The following PIMREG variants were observed in gnomAD, a reference collection of about 807,000 sequenced individuals.
PIMREG encodes the protein PICALM interacting mitotic regulator, also known as protein PIMREG.
PIMREG carries 19 observed loss-of-function variants against 24.3 expected under a neutral mutation model. That is an observed-to-expected ratio of 0.78 (90% CI 0.54 to 1.15). The LOEUF (loss-of-function observed/expected upper bound fraction) is 1.15, where lower values mean the gene tolerates loss of function less well. PIMREG is among the 50% of genes most tolerant of loss of function. The pLI, the probability that PIMREG is intolerant of heterozygous loss-of-function variation, is 0.00. For missense variants in PIMREG, 283 were observed against 306.8 expected (o/e 0.92, Z 0.58); for synonymous variants, 112 against 124.1 (o/e 0.90, Z 0.65).
rs1307586128 is a variant in PIMREG at position 6,451,298 on chromosome 17, T to C, written c.*951T>C. On this transcript the variant is annotated 3_prime_UTR_variant, in exon 6 of 6. Transcript: ENST00000572447. ...GAAGGTTTTTATTTAAGTGACAACA[T>C]TTGAGAGCTAAAAACCAGCTCACAT... 6.6e-6 allele frequency: 1 copy of C among 152,224 alleles called. No individual in the cohort carries two copies. The highest frequency in any genetic ancestry group is 2.1e-4 in the South Asian group (1 of 4,828). The allele number at this position is 152,224 out of a possible 1,614,324, so 9.4% of individuals were successfully genotyped here.
At position 6,450,574 on chromosome 17, in the gene PIMREG, C is replaced by T. The variant is rs1913792039; in HGVS notation, c.*227C>T. 3 of 567,368 alleles carry T rather than the reference C, an allele frequency of 5.3e-6. No individual in the cohort carries two copies. Among genetic ancestry groups the T allele is most frequent in the South Asian group, 5.1e-5 (2 of 39,284 alleles). 35.1% of individuals were successfully genotyped at this position (567,368 alleles called of 1,614,324 possible). A position where few individuals can be genotyped will look rare whatever the true frequency, so the allele number is the denominator to read the frequency against. ...CTGAGAGTGTCTTGGGGAGACCTTG[C>T]AGAGGGGGAGAATTGTTCCTTCTGC... On this transcript the variant is annotated 3_prime_UTR_variant, in exon 6 of 6. Coordinates refer to ENST00000572447, the MANE Select transcript of PIMREG (RefSeq NM_019013.3).
intron 3 of PIMREG, 37 bp downstream of exon 3, chr17:6,447,795 C>G: frequency 1.9e-6 from 3 of 1,548,506 alleles, no homozygotes; most frequent in Non-Finnish European, 2.6e-6. Context: ...GGCTGGTGGC[C>G]TTTTAACCTG....
chr17:6,451,076 C>G lies in PIMREG; in HGVS notation c.*729C>G, dbSNP rs1006756050. The G allele has an allele frequency of 6.6e-6, 1 of 152,232 alleles. No individual in the cohort carries two copies. The highest frequency in any genetic ancestry group is 1.5e-5 in the Non-Finnish European group (1 of 68,058). 9.4% of individuals were successfully genotyped at this position (152,232 alleles called of 1,614,324 possible). ...ACTATTTGCATTTGACATCTGTTCC[C>G]TTTCACCGGCAACCTCCAACCTCCC... On this transcript the variant is annotated 3_prime_UTR_variant, in exon 6 of 6. Coordinates refer to ENST00000572447, the MANE Select transcript of PIMREG (RefSeq NM_019013.3).
In PIMREG at chr17:6,444,491, GAGTGCGGGCTGGGCACA is replaced by G. The variant is rs1302569790; in HGVS notation, c.-36+7_-36+23del. ...GTGCTCGGCCTTAGTGGTGTCGGGT[GAGTGCGGGCTGGGCACA>G]AGTTTCGCCCTTGTTGCCCAGGCTG... On this transcript the variant is annotated splice_donor_5th_base_variant and intron_variant, in intron 1 of 5. Coordinates refer to ENST00000572447, the MANE Select transcript of PIMREG (RefSeq NM_019013.3). This position sits in a 1 kb window ranked among gnomAD's most constrained non-coding sequence, Gnocchi z 4.3. 6.5e-6 allele frequency: 1 copy of G among 153,472 alleles called. No homozygotes were observed. Among genetic ancestry groups the G allele is most frequent in the Non-Finnish European group, 1.5e-5 (1 of 68,838 alleles). The allele number at this position is 153,472 out of a possible 1,614,324, so 9.5% of individuals were successfully genotyped here.
intron 4 of PIMREG, 35 bp from the exon 5 acceptor site, chr17:6,449,993 C>G: frequency 6.2e-7 from 1 of 1,610,584 alleles, no homozygotes; most frequent in Non-Finnish European, 8.5e-7. Context: ...GAGCCCACCA[C>G]ACCCAGTGGC....
intron 3 of PIMREG, among the ~76,000 whole-genome samples, chr17:6,448,579 A>G (rs956203879): frequency 6.6e-6 from 1 of 152,216 alleles, no homozygotes; most frequent in Non-Finnish European, 1.5e-5. Flanking sequence ...GTCATCCTGT[A>G]AGAAATAGAG....
intron 3 of PIMREG, among the ~76,000 whole-genome samples, chr17:6,448,407 T>C (rs1448339491): frequency 2.6e-5 from 4 of 151,880 alleles, no homozygotes; most frequent in African/African-American, 7.3e-5. Context: ...TAAGGCTGCA[T>C]AGTAGCTTAG....
rs1913528057 is a variant in PIMREG at position 6,445,283 on chromosome 17, C to A, written c.173C>A (p.Ala58Asp). ...RQFQRRLPLR[A>D]VNLNLRAGPS... is the part of the protein sequence containing the mutation. ...TTCCAAAGGAGGCTGCCCCTGAGAG[C>A]CGTCAACCTCAACCTCCGCGCAGGG... Residue 58 changes from alanine to aspartate, a missense_variant, in exon 2 of 6, where the codon GCC becomes GAC. Ala to Asp is a moderately radical substitution (Grantham distance 126). Transcript: ENST00000572447. 6.2e-7 allele frequency: 1 copy of A among 1,613,924 alleles called. No homozygotes were observed. Among genetic ancestry groups the A allele is most frequent in the Non-Finnish European group, 8.5e-7 (1 of 1,179,998 alleles).
intron 4 of PIMREG, 120 bp from the exon 5 acceptor site, chr17:6,449,908 A>G (rs1913751070): frequency 5.6e-6 from 8 of 1,423,262 alleles, no homozygotes; most frequent in African/African-American, 4.2e-5. Flanking sequence ...TGCCAGCTCT[A>G]TGTGTTGAGG....
Position 6,445,121 on chromosome 17 carries a change from G to A in PIMREG, c.11G>A (p.Arg4Gln), listed in dbSNP as rs566576406. 1.3e-6 allele frequency: 2 copies of A among 1,594,930 alleles called. No homozygotes were observed. Among genetic ancestry groups the A allele is most frequent in the South Asian group, 1.1e-5 (1 of 89,856 alleles). Reference protein sequence around the residue: MASRWQNMGTSVRR... With the variant: MASQWQNMGTSVRR... Reference sequence around the variant, plus strand: ...CTCTTGGCCAGGCAGATGGCTTCTCGGTGGCAGAACATGGGGACCTCCGTG... The same window carrying A: ...CTCTTGGCCAGGCAGATGGCTTCTCAGTGGCAGAACATGGGGACCTCCGTG... Residue 4 changes from arginine (R) to glutamine (Q), a missense_variant, in exon 2 of 6, where the codon CGG (arginine) becomes CAG (glutamine). Coordinates refer to ENST00000572447, the MANE Select transcript of PIMREG (RefSeq NM_019013.3).
At chr17:6,449,941 C>T (rs866016994) in intron 4 of PIMREG, 87 bp from the exon 5 acceptor site, 171 of 1,495,370 alleles carry the variant, frequency 1.1e-4, no homozygotes, top group Middle Eastern at 6.8e-4. Context: ...ACCACATTTC[C>T]GGGTCTGATC....
At chr17:6,445,651 A>G (rs1913543753) in intron 2 of PIMREG, among the ~76,000 whole-genome samples, 1 of 152,250 alleles carries the variant, frequency 6.6e-6, no homozygotes, top group Non-Finnish European at 1.5e-5. Flanking sequence ...TAAGAGCTGT[A>G]CGTGATAGGA....
At chr17:6,449,279 C>T in intron 3 of PIMREG, 33 bp from the exon 4 acceptor site, 1 of 1,579,862 alleles carries the variant, frequency 6.3e-7, no homozygotes, top group Non-Finnish European at 8.6e-7. Context: ...GAGTTTCCAA[C>T]TAGTCACTGG....
At chr17:6,450,292 A>T in intron 5 of PIMREG, 70 bp from the exon 6 acceptor site, 1 of 1,373,160 alleles carries the variant, frequency 7.3e-7, no homozygotes, top group Non-Finnish European at 9.9e-7. Flanking sequence ...CCCACCCCGC[A>T]GTGAGCAGGG....
In PIMREG at chr17:6,450,446, A is replaced by G. The variant is rs904891544; in HGVS notation, c.*99A>G. ...GAGCTTCCTGGAAAAAACCCCCGGGAGTCGTCAGTACCCCTGGGCCACTGC... is the reference window on the plus strand; with the variant it reads ...GAGCTTCCTGGAAAAAACCCCCGGGGGTCGTCAGTACCCCTGGGCCACTGC... On this transcript the variant is annotated 3_prime_UTR_variant, in exon 6 of 6. Coordinates refer to ENST00000572447, the MANE Select transcript of PIMREG (RefSeq NM_019013.3). 17 of 1,553,876 alleles carry G rather than the reference A, an allele frequency of 1.1e-5. No individual in the cohort carries two copies. The highest frequency in any genetic ancestry group is 1.5e-5 in the Non-Finnish European group (17 of 1,155,214).
At position 6,447,474 on chromosome 17, in the gene PIMREG, G is replaced by A. The variant is rs760272075; in HGVS notation, c.306G>A (p.Glu102=). The change falls in exon 3 of 6, where the codon GAG becomes GAA. Residue 102 remains glutamate, a synonymous_variant. Coordinates refer to ENST00000572447, the MANE Select transcript of PIMREG (RefSeq NM_019013.3). ...TTTGCCTGTTCCAGAGAATCCAGGAGTCCTGCCAAAGTGGCACCAAGTGGC... is the reference window on the plus strand; with the variant it reads ...TTTGCCTGTTCCAGAGAATCCAGGAATCCTGCCAAAGTGGCACCAAGTGGC... The part of the protein sequence containing the change: ...ALGAVSQRIQ[E]SCQSGTKWLV... 6.2e-7 allele frequency: 1 copy of A among 1,613,856 alleles called. No homozygotes were observed. Among genetic ancestry groups the A allele is most frequent in the Non-Finnish European group, 8.5e-7 (1 of 1,179,772 alleles).
At chr17:6,449,199 C>T in intron 3 of PIMREG, 113 bp from the exon 4 acceptor site, 2 of 807,332 alleles carry the variant, frequency 2.5e-6, no homozygotes, top group Non-Finnish European at 3.9e-6. Flanking sequence ...TGGAGTGAAG[C>T]CCAGCCCGCC....
chr17:6,449,248 G>C, intron 3 of PIMREG, 64 bp from the exon 4 acceptor site: 1 of 1,435,918 alleles, frequency 7.0e-7, no homozygotes, highest in South Asian at 1.3e-5. Flanking sequence ...CCGGTACCGG[G>C]TTGCAAGGGT....
chr17:6,444,530 G>C lies in PIMREG; in HGVS notation c.-36+42G>C. 6.5e-6 allele frequency: 1 copy of C among 154,892 alleles called. No individual in the cohort carries two copies. Among genetic ancestry groups the C allele is most frequent in the Non-Finnish European group, 1.4e-5 (1 of 69,918 alleles). 9.6% of individuals were successfully genotyped at this position (154,892 alleles called of 1,614,324 possible). A position where few individuals can be genotyped will look rare whatever the true frequency, so the allele number is the denominator to read the frequency against. ...CACAAGTTTCGCCCTTGTTGCCCAG[G>C]CTGGAGTGCAATGGCGCGATCTGGA... On this transcript the variant is annotated intron_variant, in intron 1 of 5. Transcript: ENST00000572447. The surrounding 1 kb of genome is among the most constrained non-coding windows in gnomAD (Gnocchi z 4.3).
Sources: gnomAD v4.1 joint callset for allele counts (sites outside exome capture counted in the v4.1 genomes callset) on GRCh38, gnomAD v4.1.1 for gene constraint, Gnocchi (gnomAD v3.1) non-coding constraint, MANE v1.5 for transcripts, NCBI Gene and HGNC (gene_info 2026-07-23, HGNC 2026-07-21) for gene names.